Variants in PTPRD observed in about 807,000 individuals in gnomAD.
PTPRD encodes receptor-type tyrosine-protein phosphatase delta.
Under a neutral mutation model 214.5 loss-of-function variants are expected in PTPRD, and 34 were observed. The ratio of observed to expected loss-of-function variants is 0.16; its 90% confidence interval spans 0.12 to 0.21. PTPRD has a LOEUF of 0.21. Among genes scored for constraint, PTPRD ranks in the 10% least tolerant of loss-of-function variants. PTPRD has a pLI of 1.00. For synonymous variants in PTPRD, 1,128 were observed against 845.7 expected (o/e 1.33, Z -5.79); for missense variants, 2,545 against 2,398.7 (o/e 1.06, Z -1.27).
chr9:10,345,034 C>T (rs959677832), intron 2 of PTPRD, among the ~76,000 whole-genome samples: 5 of 152,078 alleles, frequency 3.3e-5, no homozygotes, highest in African/African-American at 9.7e-5. Context: ...TTCTCCCCAT[C>T]ATAGAATGGA....
chr9:9,302,776 T>A (rs1569567192), intron 9 of PTPRD, among the ~76,000 whole-genome samples: 1 of 151,758 alleles, frequency 6.6e-6, no homozygotes, highest in South Asian at 2.1e-4. Flanking sequence ...TCCTCATTAT[T>A]TTTTTAACTA....
intron 9 of PTPRD, among the ~76,000 whole-genome samples, chr9:9,294,853 T>G (rs1189615633): frequency 6.6e-6 from 1 of 151,752 alleles, no homozygotes; most frequent in Non-Finnish European, 1.5e-5. Context: ...AATTTTAAAT[T>G]TATAAGCTTT....
intron 2 of PTPRD, among the ~76,000 whole-genome samples, chr9:10,378,464 T>TA (rs1213101899): frequency 4.6e-5 from 7 of 152,156 alleles, no homozygotes; most frequent in Non-Finnish European, 1.0e-4. Context: ...TTTAAGTCTT[T>TA]AATCCATTTT....
intron 11 of PTPRD, among the ~76,000 whole-genome samples, chr9:8,815,929 C>T (rs751891140): frequency 1.3e-5 from 2 of 152,082 alleles, no homozygotes; most frequent in Non-Finnish European, 2.9e-5. Context: ...TGAAAAACAC[C>T]CTATGGTGGT....
At chr9:8,346,006 A>C (rs1857253136) in intron 39 of PTPRD, among the ~76,000 whole-genome samples, 1 of 152,058 alleles carries the variant, frequency 6.6e-6, no homozygotes. Flanking sequence ...TTTTCAGCAC[A>C]AGTGGAGATC....
chr9:9,275,669 G>C (rs1297189469), intron 9 of PTPRD, among the ~76,000 whole-genome samples: 1 of 151,208 alleles, frequency 6.6e-6, no homozygotes, highest in Non-Finnish European at 1.5e-5. Context: ...GTCTTTCTAA[G>C]TCTGGGTAGG....
chr9:10,421,949 T>A (rs375679877), intron 2 of PTPRD, among the ~76,000 whole-genome samples: 4 of 152,064 alleles, frequency 2.6e-5, no homozygotes, highest in South Asian at 4.1e-4. Flanking sequence ...TAGATTAGTA[T>A]GGAGAATGAT....
intron 2 of PTPRD, among the ~76,000 whole-genome samples, chr9:10,478,401 T>C (rs1473368650): frequency 6.6e-6 from 1 of 152,116 alleles, no homozygotes; most frequent in Non-Finnish European, 1.5e-5. Context: ...TTGATACCTG[T>C]ACAAAGGAGA....
chr9:9,638,058 G>A (rs1442856945), intron 7 of PTPRD, among the ~76,000 whole-genome samples: 1 of 152,058 alleles, frequency 6.6e-6, no homozygotes, highest in African/African-American at 2.4e-5. Flanking sequence ...AAATGTCTTT[G>A]GGGTCATTAT....
intron 21 of PTPRD, among the ~76,000 whole-genome samples, chr9:8,509,664 C>T (rs1033260109): frequency 6.6e-6 from 1 of 152,186 alleles, no homozygotes; most frequent in African/African-American, 2.4e-5. Flanking sequence ...CTTACTTAAA[C>T]TGTTTACTTT....
chr9:9,131,856 A>G (rs535013358), intron 10 of PTPRD, among the ~76,000 whole-genome samples: 1 of 150,734 alleles, frequency 6.6e-6, no homozygotes, highest in Non-Finnish European at 1.5e-5. Context: ...ACAACATTAA[A>G]ATTTTTAAAA....
At chr9:10,246,798 G>A (rs1215910538) in intron 3 of PTPRD, among the ~76,000 whole-genome samples, 1 of 151,814 alleles carries the variant, frequency 6.6e-6, no homozygotes, top group African/African-American at 2.4e-5. Flanking sequence ...AGAGGCTGAG[G>A]CAGGAGAATC....
chr9:9,403,142 T>A (rs1024843463), intron 8 of PTPRD, among the ~76,000 whole-genome samples: 2 of 150,430 alleles, frequency 1.3e-5, no homozygotes, highest in Non-Finnish European at 3.0e-5. Context: ...ATACAAAAAA[T>A]TAGCTGGGTG....
intron 7 of PTPRD, among the ~76,000 whole-genome samples, chr9:9,712,580 A>G (rs912695409): frequency 3.9e-5 from 6 of 152,304 alleles, no homozygotes; most frequent in African/African-American, 1.4e-4. Context: ...AAACAATGGC[A>G]GACGGCAGAT....
At chr9:9,514,831 C>T (rs1307785066) in intron 8 of PTPRD, among the ~76,000 whole-genome samples, 2 of 152,044 alleles carry the variant, frequency 1.3e-5, no homozygotes, top group Non-Finnish European at 2.9e-5. Flanking sequence ...AAAAATAAGC[C>T]TACTCTGGAA....
At chr9:8,766,762 T>C (rs2094784871) in intron 11 of PTPRD, among the ~76,000 whole-genome samples, 1 of 152,210 alleles carries the variant, frequency 6.6e-6, no homozygotes, top group South Asian at 2.1e-4. Flanking sequence ...TTTATGAATC[T>C]TTCTTAAATG....
chr9:8,552,865 C>T (rs1418489083), intron 14 of PTPRD, among the ~76,000 whole-genome samples: 1 of 152,200 alleles, frequency 6.6e-6, no homozygotes, highest in Non-Finnish European at 1.5e-5. Context: ...ACTGGGGCTG[C>T]TTGTGAGCCC....
chr9:9,839,152 C>T (rs990768189), intron 5 of PTPRD, among the ~76,000 whole-genome samples: 2 of 152,124 alleles, frequency 1.3e-5, no homozygotes, highest in African/African-American at 4.8e-5. Context: ...CAGTACCATG[C>T]TGTTTTGGTT....
intron 4 of PTPRD, among the ~76,000 whole-genome samples, chr9:9,994,356 C>T (rs1308430673): frequency 1.3e-5 from 2 of 152,038 alleles, no homozygotes; most frequent in Non-Finnish European, 2.9e-5. Context: ...CATTCAGCAC[C>T]AATGTACTTT....
Sources: gnomAD v4.1 joint callset for allele counts (sites outside exome capture counted in the v4.1 genomes callset) on GRCh38, gnomAD v4.1.1 for gene constraint, MANE v1.5 for transcripts, NCBI Gene and HGNC (gene_info 2026-07-23, HGNC 2026-07-21) for gene names.